TNS1: variants seen among roughly 807,000 people sequenced by gnomAD.
The protein encoded by TNS1 is tensin-1.
TNS1 carries 62 observed loss-of-function variants against 168.6 expected under a neutral mutation model. The observed-to-expected ratio is 0.37, with a 90% CI of 0.30 to 0.45. TNS1 has a LOEUF of 0.45. TNS1 is among the 20% of genes least tolerant of loss of function. The probability of loss-of-function intolerance (pLI) is 1.00; values close to 1 mark genes in which losing one functional copy is unlikely to be tolerated. For synonymous variants in TNS1, 934 were observed against 933.2 expected, an observed-to-expected ratio of 1.00 and a Z score of -0.02; for missense variants, 2,240 against 2,339.4, an observed-to-expected ratio of 0.96 and a Z score of 0.88.
rs1262471051 is a variant in TNS1, at chr2:217,801,769, T to G, written c.*2690A>C. Reference sequence around the variant, plus strand: ...AGGGCTCTGGTGCAGGGCCCAGAGGTGGGGCCACTGTGGGGACTGGGGAAC... The same window carrying G: ...AGGGCTCTGGTGCAGGGCCCAGAGGGGGGGCCACTGTGGGGACTGGGGAAC... On this transcript the variant is annotated 3_prime_UTR_variant, in exon 33 of 33. Transcript: ENST00000682258. 1 of 152,100 alleles carries G rather than the reference T, an allele frequency of 6.6e-6. No homozygotes were observed. The highest frequency in any genetic ancestry group is 6.5e-5 in the Admixed American group (1 of 15,278). The allele number at this position is 152,100 out of a possible 1,614,324, so 9.4% of individuals were successfully genotyped here. A position where few individuals can be genotyped will look rare whatever the true frequency, so the allele number is the denominator to read the frequency against.
intron 22 of TNS1, among the ~76,000 whole-genome samples, chr2:217,826,999 G>A (rs1011073329): frequency 1.3e-5 from 2 of 152,088 alleles, no homozygotes; most frequent in Admixed American, 6.5e-5. Context: ...AAACCCCCAG[G>A]TCCCAGATCT....
Position 217,848,494 on chromosome 2 carries a change from T to C in TNS1, c.2023A>G (p.Met675Val). The change falls in exon 19 of 33, where the codon ATG (methionine) becomes GTG (valine). Residue 675 changes from methionine (M) to valine (V), a missense_variant. Met to Val is a conservative substitution (Grantham distance 21). Transcript: ENST00000682258. ...LTNGLDKSYP[M>V]EPMVNGGGYP... Reference sequence around the variant, plus strand: ...CCTCCTCCATTGACCATAGGCTCCATGGGGTAGGACTTGTCCAGACCGTTG... The same window carrying C: ...CCTCCTCCATTGACCATAGGCTCCACGGGGTAGGACTTGTCCAGACCGTTG... 1 of 1,613,300 alleles carries C rather than the reference T, an allele frequency of 6.2e-7. No homozygotes were observed. Among genetic ancestry groups the C allele is most frequent in the Non-Finnish European group, 8.5e-7 (1 of 1,179,396 alleles).
At chr2:217,811,855 T>A (rs1188493879) in intron 28 of TNS1, among the ~76,000 whole-genome samples, 1 of 152,198 alleles carries the variant, frequency 6.6e-6, no homozygotes, top group African/African-American at 2.4e-5. Context: ...GACTTGCTCT[T>A]CCCTAACAGC....
At position 217,818,008 on chromosome 2, in the gene TNS1, G is replaced by C. The variant is rs147499675; in HGVS notation, c.4324C>G (p.Arg1442Gly). 5 of 1,596,612 alleles carry C rather than the reference G, an allele frequency of 3.1e-6. No homozygotes were observed. Among genetic ancestry groups the C allele is most frequent in the Non-Finnish European group, 4.3e-6 (5 of 1,171,598 alleles). Residue 1442 changes from arginine (R) to glycine (G), a missense_variant, in exon 24 of 33, where the codon CGG becomes GGG. Transcript: ENST00000682258. ...TGGTAGCCAGAGGCACTGCTCTGCCGGGACAGTGTGGGTCTCCGATCCTCC... is the reference window on the plus strand; with the variant it reads ...TGGTAGCCAGAGGCACTGCTCTGCCCGGACAGTGTGGGTCTCCGATCCTCC... The part of the protein sequence containing the change: ...TPEDRRPTLS[R>G]QSSASGYQAP...
chr2:217,975,649 T>C (rs1482990345), intron 3 of TNS1, among the ~76,000 whole-genome samples: 1 of 152,138 alleles, frequency 6.6e-6, no homozygotes, highest in Non-Finnish European at 1.5e-5. Context: ...GCATACCTCG[T>C]CTATCTCAGT....
Position 217,813,956 on chromosome 2 carries a change from C to G in TNS1, c.4730-140G>C, listed in dbSNP as rs939309306. ...CTTTAAAGTTAAAATTTAACTACTC[C>G]TACGGGTCTTCCTGTACTCAGGTTG... On this transcript the variant is annotated intron_variant, in intron 25 of 32. Transcript: ENST00000682258. This position sits in a 1 kb window ranked among gnomAD's most constrained non-coding sequence, Gnocchi z 4.0. 2 of 1,051,206 alleles carry G rather than the reference C, an allele frequency of 1.9e-6. No individual in the cohort carries two copies. Among genetic ancestry groups the G allele is most frequent in the Non-Finnish European group, 2.6e-6 (2 of 774,430 alleles). 65.1% of individuals were successfully genotyped at this position (1,051,206 alleles called of 1,614,324 possible).
rs548254951 is a variant in TNS1 at position 218,016,426 on chromosome 2, T to A, written c.156+17394A>T. On this transcript the variant is annotated intron_variant, in intron 1 of 1. Coordinates refer to the TNS1 transcript ENST00000649572. ...CCATCTATCCAGCAGCTCCCCTCCA[T>A]CTGGCTCGCTGCCACCCCACCCACC... 1.3e-3 allele frequency among the ~76,000 whole-genome samples: 197 copies of A among 152,230 alleles called. 1 individual carries two copies. The highest frequency in any genetic ancestry group is 4.6e-3 in the African/African-American group (189 of 41,526).
At chr2:218,002,006 GCC>G (rs754804207) in intron 1 of TNS1, among the ~76,000 whole-genome samples, 1 of 152,166 alleles carries the variant, frequency 6.6e-6, no homozygotes, top group Non-Finnish European at 1.5e-5. Flanking sequence ...GGCCAAGACA[GCC>G]CCACAGGAGC....
At chr2:217,961,543 A>G (rs1473445579) in intron 3 of TNS1, among the ~76,000 whole-genome samples, 1 of 152,088 alleles carries the variant, frequency 6.6e-6, no homozygotes, top group African/African-American at 2.4e-5. Flanking sequence ...GATCCCCTAC[A>G]TACCCAGGAA....
At chr2:217,904,326 C>T (rs1181671452) in intron 6 of TNS1, among the ~76,000 whole-genome samples, 1 of 152,226 alleles carries the variant, frequency 6.6e-6, no homozygotes, top group Non-Finnish European at 1.5e-5. Flanking sequence ...GACAGCAACA[C>T]AGCTTGACAA....
At position 217,818,645 on chromosome 2, in the gene TNS1, C is replaced by T. The variant is rs34144104; in HGVS notation, c.3687G>A (p.Pro1229=). ...FRSGSLGQPS[P]SAQRNYQSSS... ...AGCTCTGGTAGTTTCTCTGGGCAGA[C>T]GGGCTGGGCTGTCCCAGGCTGCCTG... Residue 1229 remains proline (P), a synonymous_variant, in exon 24 of 33, where the codon CCG becomes CCA. Coordinates refer to ENST00000682258, the MANE Select transcript of TNS1 (RefSeq NM_001387777.1). 0.28 allele frequency: 446,201 copies of T among 1,614,060 alleles called. 63,857 individuals carry two copies. The highest frequency in any genetic ancestry group is 0.36 in the Middle Eastern group (2,212 of 6,062).
chr2:217,950,734 T>C (rs1056729468), intron 3 of TNS1, among the ~76,000 whole-genome samples: 10 of 151,156 alleles, frequency 6.6e-5, no homozygotes, highest in African/African-American at 2.4e-4. Flanking sequence ...CTCTCTCTTC[T>C]TCTCTTCCTT....
intron 3 of TNS1, among the ~76,000 whole-genome samples, chr2:217,939,044 C>CAAG (rs1956779282): frequency 6.6e-6 from 1 of 151,630 alleles, no homozygotes; most frequent in Non-Finnish European, 1.5e-5. Flanking sequence ...CCACCACCAC[C>CAAG]AATAATAATA....
intron 16 of TNS1, among the ~76,000 whole-genome samples, chr2:217,884,059 C>A (rs369192218): frequency 5.1e-5 from 7 of 138,504 alleles, no homozygotes; most frequent in African/African-American, 1.9e-4. Flanking sequence ...TAGGGCCTGA[C>A]TTCTTTCTGT....
intron 3 of TNS1, among the ~76,000 whole-genome samples, chr2:217,932,221 T>C (rs1234451575): frequency 1.3e-5 from 2 of 152,170 alleles, no homozygotes; most frequent in East Asian, 3.8e-4. Context: ...TAAGAGGCCA[T>C]GAGTTTCTAA....
chr2:217,972,534 G>C (rs1478800036), intron 3 of TNS1, among the ~76,000 whole-genome samples: 1 of 152,220 alleles, frequency 6.6e-6, no homozygotes, highest in African/African-American at 2.4e-5. Context: ...TTGGTACAGG[G>C]GAGGAGACCA....
In TNS1 at chr2:217,848,690, C is replaced by G; in HGVS notation, c.1827G>C (p.Gln609His). ...PSSGRHVVPAQVHVNGGALAS... is the reference protein window; with the variant it reads ...PSSGRHVVPAHVHVNGGALAS... ...CTAACGCCCCACCATTGACATGAAC[C>G]TGGGCTGGGACAACGTGGCGTCCAG... Residue 609 changes from glutamine to histidine, a missense_variant, in exon 19 of 33, where the codon CAG becomes CAC. Transcript: ENST00000682258. The G allele has an allele frequency of 6.2e-7, 1 of 1,614,214 alleles. No individual in the cohort carries two copies. Among genetic ancestry groups the G allele is most frequent in the South Asian group, 1.1e-5 (1 of 91,086 alleles).
chr2:217,866,236 G>A (rs183605160), intron 18 of TNS1, among the ~76,000 whole-genome samples: 1 of 152,338 alleles, frequency 6.6e-6, no homozygotes, highest in African/African-American at 2.4e-5. Context: ...ATTCTAAGGG[G>A]TGATTTTGGA....
intron 9 of TNS1, 54 bp downstream of exon 9, chr2:217,894,946 AGAGAGG>A: frequency 6.7e-7 from 1 of 1,494,532 alleles, no homozygotes; most frequent in Non-Finnish European, 9.3e-7. Flanking sequence ...TGGGAACTCC[AGAGAGG>A]GAGTCCATCT....
Sources: allele counts gnomAD v4.1 joint callset (sites outside exome capture counted in the v4.1 genomes callset), GRCh38; gene constraint gnomAD v4.1.1; non-coding constraint Gnocchi (gnomAD v3.1); transcripts MANE v1.5; gene names NCBI Gene and HGNC (gene_info 2026-07-23, HGNC 2026-07-21).